The following SLC39A14 variants were observed in gnomAD, a reference collection of about 807,000 sequenced individuals.
The protein encoded by SLC39A14 is metal cation symporter ZIP14.
A neutral mutation model predicts 45.5 loss-of-function variants in SLC39A14; 19 were observed. The observed-to-expected ratio is 0.42, with a 90% CI of 0.29 to 0.61. The LOEUF (loss-of-function observed/expected upper bound fraction) is 0.61. SLC39A14 is among the 20% of genes least tolerant of loss of function. SLC39A14 has a pLI of 0.22. For missense variants in SLC39A14, 447 were observed against 616.5 expected (o/e 0.73, Z 2.91); for synonymous variants, 264 against 251.3 (o/e 1.05, Z -0.48).
In SLC39A14 at chr8:22,403,303, G is replaced by A. The variant is rs561372819; in HGVS notation, c.-15-1393G>A. Among the ~76,000 whole-genome samples, 9 of 126,056 alleles carry A rather than the reference G, an allele frequency of 7.1e-5. No individual in the cohort carries two copies. In the East Asian group the frequency reaches 8.1e-4, roughly 11 times the overall value. 82.7% of individuals were successfully genotyped at this position (126,056 alleles called of 152,430 possible). On this transcript the variant is annotated intron_variant, in intron 1 of 8. Coordinates refer to ENST00000381237, the MANE Select transcript of SLC39A14 (RefSeq NM_001128431.4). Reference sequence around the variant, plus strand: ...TTTATTTATTTATTTATTTTGAGACGGAGTCTTGCTGTGTCGCCCAGGCTG... The same window carrying A: ...TTTATTTATTTATTTATTTTGAGACAGAGTCTTGCTGTGTCGCCCAGGCTG...
intron 1 of SLC39A14, among the ~76,000 whole-genome samples, chr8:22,386,353 G>A (rs1308768646): frequency 3.4e-5 from 5 of 148,974 alleles, no homozygotes; most frequent in Non-Finnish European, 1.5e-5. Flanking sequence ...TGCAACCTCC[G>A]CCTCCCGGGT....
intron 1 of SLC39A14, among the ~76,000 whole-genome samples, chr8:22,387,251 C>T (rs1833841722): frequency 6.6e-6 from 1 of 151,748 alleles, no homozygotes; most frequent in African/African-American, 2.4e-5. Flanking sequence ...GTTCATTCAT[C>T]CACTCTCTTG....
rs1360734537 is a variant in SLC39A14, at chr8:22,416,255, C to T, written c.1122C>T (p.Leu374=). ...FQGISTSVAI[L]CEEFPHELGD... Reference sequence around the variant, plus strand: ...GCATCAGCACCTCGGTGGCCATCCTCTGTGAGGAGTTCCCACATGAGCTAG... The same window carrying T: ...GCATCAGCACCTCGGTGGCCATCCTTTGTGAGGAGTTCCCACATGAGCTAG... The change falls in exon 7 of 9, where the codon CTC becomes CTT. Residue 374 remains leucine (L), a synonymous_variant. Transcript: ENST00000381237. 1 of 1,613,056 alleles carries T rather than the reference C, an allele frequency of 6.2e-7. No homozygotes were observed. Among genetic ancestry groups the T allele is most frequent in the African/African-American group, 1.3e-5 (1 of 74,866 alleles).
At chr8:22,409,383 TTTTG>T (rs1408953419) in intron 3 of SLC39A14, among the ~76,000 whole-genome samples, 1 of 141,424 alleles carries the variant, frequency 7.1e-6, no homozygotes, top group Admixed American at 7.4e-5. Flanking sequence ...TTTTTGTTTT[TTTTG>T]TTTGTTTGTT....
intron 3 of SLC39A14, chr8:22,409,971 C>G: frequency 6.2e-7 from 1 of 1,614,074 alleles, no homozygotes; most frequent in East Asian, 2.2e-5. Flanking sequence ...TTCTCAGTGT[C>G]TCACTGATTA....
chr8:22,404,639 C>A (rs1277128275), intron 1 of SLC39A14, 57 bp from the exon 2 acceptor site: 1 of 1,538,792 alleles, frequency 6.5e-7, no homozygotes, highest in Non-Finnish European at 8.8e-7. Flanking sequence ...GCGGGCCTGG[C>A]GCAGTTGCCG....
chr8:22,402,874 T>G (rs754258453), intron 1 of SLC39A14, among the ~76,000 whole-genome samples: 34 of 152,262 alleles, frequency 2.2e-4, no homozygotes, highest in Non-Finnish European at 4.0e-4. Context: ...TTTTTATGTT[T>G]GTTTACTAAT....
downstream of SLC39A14, among the ~76,000 whole-genome samples, chr8:22,424,532 C>T (rs1349406100): frequency 6.6e-6 from 1 of 152,220 alleles, no homozygotes; most frequent in African/African-American, 2.4e-5. Flanking sequence ...GACATTCACA[C>T]TGCCCTTCAG....
intron 1 of SLC39A14, among the ~76,000 whole-genome samples, chr8:22,371,564 C>G (rs1218206364): frequency 6.6e-6 from 1 of 150,644 alleles, no homozygotes; most frequent in African/African-American, 2.4e-5. Flanking sequence ...TCCCAAGTAG[C>G]TGTGATCACA....
chr8:22,421,506 G>T lies in SLC39A14; in HGVS notation c.*1808G>T, dbSNP rs1836226958. On this transcript the variant is annotated 3_prime_UTR_variant, in exon 9 of 9. Transcript: ENST00000381237. ...GGACTGATTTCCTGGTGGGATTATG[G>T]TCCAGTTTTACCAAAGAACCAATTC... 9.3e-6 allele frequency: 9 copies of T among 972,538 alleles called. No individual in the cohort carries two copies. Among genetic ancestry groups the T allele is most frequent in the Non-Finnish European group, 1.1e-5 (9 of 818,518 alleles). 60.2% of individuals were successfully genotyped at this position (972,538 alleles called of 1,614,324 possible).
chr8:22,397,453 C>T (rs1834559650), intron 1 of SLC39A14, among the ~76,000 whole-genome samples: 1 of 152,170 alleles, frequency 6.6e-6, no homozygotes, highest in Admixed American at 6.6e-5. Context: ...TGGTGGGCGC[C>T]TGTAGTCCCA....
downstream of SLC39A14, among the ~76,000 whole-genome samples, chr8:22,423,691 T>C (rs1836328711): frequency 6.6e-6 from 1 of 151,966 alleles, no homozygotes. Flanking sequence ...GTCTCAGAAC[T>C]CCTGACCTCA....
chr8:22,429,298 C>G (rs114106807), intron 8 of SLC39A14, among the ~76,000 whole-genome samples: 2,097 of 152,140 alleles, frequency 0.014, 41 homozygotes, highest in African/African-American at 0.049. Context: ...AAAAAGAACA[C>G]AGGATTTTGC....
chr8:22,371,396 T>TA lies in SLC39A14; in HGVS notation c.-16+3998dup, dbSNP rs1158111835. ...AAAAATCAGATAAAAGTTGGATATCTAAAAAAAAAATACATGTCTTTTTTT... is the reference window on the plus strand; with the variant it reads ...AAAAATCAGATAAAAGTTGGATATCTAAAAAAAAAAATACATGTCTTTTTTT... On this transcript the variant is annotated intron_variant, in intron 1 of 8. Transcript: ENST00000381237. Among the ~76,000 whole-genome samples, 23 of 122,352 alleles carry TA rather than the reference T, an allele frequency of 1.9e-4. 1 individual carries two copies. The highest frequency in any genetic ancestry group is 4.4e-4 in the East Asian group (2 of 4,528). The allele number at this position is 122,352 out of a possible 152,430, so 80.3% of individuals were successfully genotyped here. A position where few individuals can be genotyped will look rare whatever the true frequency, so the allele number is the denominator to read the frequency against.
chr8:22,417,560 T>C (rs1184124840), intron 7 of SLC39A14, 91 bp from the exon 8 acceptor site: 2 of 1,104,784 alleles, frequency 1.8e-6, no homozygotes, highest in East Asian at 4.8e-5. Flanking sequence ...CAGCTGAGCC[T>C]CCTGAGTAGC....
At chr8:22,382,593 G>A (rs945922672) in intron 1 of SLC39A14, among the ~76,000 whole-genome samples, 1 of 152,134 alleles carries the variant, frequency 6.6e-6, no homozygotes, top group Non-Finnish European at 1.5e-5. Context: ...GATCCCTTGA[G>A]CCCAGGAGTT....
At chr8:22,413,418 A>T (rs557362269) in intron 4 of SLC39A14, among the ~76,000 whole-genome samples, 6 of 152,144 alleles carry the variant, frequency 3.9e-5, no homozygotes, top group Non-Finnish European at 8.8e-5. Context: ...CTGAAGCTCA[A>T]CCCCATGATT....
At chr8:22,372,089 A>T (rs1246411218) in intron 1 of SLC39A14, among the ~76,000 whole-genome samples, 4 of 151,970 alleles carry the variant, frequency 2.6e-5, no homozygotes, top group Admixed American at 1.3e-4. Flanking sequence ...ATTCACCAAA[A>T]CTTTGATTTA....
intron 1 of SLC39A14, among the ~76,000 whole-genome samples, chr8:22,372,937 A>ATTT (rs1833010384): frequency 6.6e-6 from 1 of 152,096 alleles, no homozygotes; most frequent in Non-Finnish European, 1.5e-5. Context: ...TTTAAAAAGC[A>ATTT]AAAATAAGGC....
Sources: allele counts gnomAD v4.1 joint callset (sites outside exome capture counted in the v4.1 genomes callset), GRCh38; gene constraint gnomAD v4.1.1; transcripts MANE v1.5; gene names NCBI Gene and HGNC (gene_info 2026-07-23, HGNC 2026-07-21).